HDLBP: variants seen among roughly 807,000 people sequenced by gnomAD.
HDLBP encodes high density lipoprotein binding protein.
In HDLBP, 30 loss-of-function variants were observed where a neutral mutation model predicts 137.3. The observed-to-expected ratio is 0.22, with a 90% CI of 0.16 to 0.30. The LOEUF is 0.30. Ranked by LOEUF, HDLBP falls within the 10% of genes least tolerant of loss-of-function variation. The pLI is 1.00. For synonymous variants in HDLBP, 606 were observed against 596.0 expected (o/e 1.02, Z -0.24); for missense variants, 1,119 against 1,667.3 (o/e 0.67, Z 5.73).
chr2:241,298,487 C>T (rs59104589), intron 1 of HDLBP, among the ~76,000 whole-genome samples: 46,344 of 152,024 alleles, frequency 0.3, 7,709 homozygotes, highest in East Asian at 0.52. Context: ...AAAAGGGTAA[C>T]AATCAACCGA....
At chr2:241,307,059 T>C (rs1354512668) in intron 1 of HDLBP, among the ~76,000 whole-genome samples, 1 of 139,800 alleles carries the variant, frequency 7.2e-6, no homozygotes, top group Non-Finnish European at 1.5e-5. Flanking sequence ...CCTTTCATTT[T>C]TGTTTCTTTT....
intron 2 of HDLBP, chr2:241,267,540 G>C: frequency 1.3e-6 from 2 of 1,522,538 alleles, no homozygotes; most frequent in South Asian, 2.4e-5. Flanking sequence ...TCTCCTAACA[G>C]CGACCTTGGT....
Position 241,248,785 on chromosome 2 carries a change from C to G in HDLBP, c.1513-437G>C, listed in dbSNP as rs142047876. On this transcript the variant is annotated intron_variant, in intron 12 of 27. Coordinates refer to ENST00000310931, the MANE Select transcript of HDLBP (RefSeq NM_005336.6). ...CCTTCTGAACAGAGGGTGGCTCGGA[C>G]CACTTTCCCCGCATGGCTAAGAACG... Among the ~76,000 whole-genome samples the G allele has an allele frequency of 1.2e-3, 176 of 152,110 alleles. 1 individual carries two copies. The highest frequency in any genetic ancestry group is 4.1e-3 in the African/African-American group (171 of 41,488).
At position 241,239,771 on chromosome 2, in the gene HDLBP, T is replaced by C. The variant is rs910628111; in HGVS notation, c.2441A>G (p.His814Arg). The C allele has an allele frequency of 3.7e-6, 6 of 1,614,110 alleles. No individual in the cohort carries two copies. The highest frequency in any genetic ancestry group is 1.1e-5 in the South Asian group (1 of 91,092). The part of the protein sequence containing the change: ...SMLVDPKHHR[H>R]FVIRRGQVLR... ...GACCTGGCCTCTGCGGATGACGAAG[T>C]GGCGGTGGTGCTTGGGGTCCACCAG... Residue 814 changes from histidine to arginine, a missense_variant, in exon 19 of 28, where the codon CAC becomes CGC. Coordinates refer to ENST00000310931, the MANE Select transcript of HDLBP (RefSeq NM_005336.6). The surrounding 1 kb of genome is among the most constrained non-coding windows in gnomAD (Gnocchi z 4.6).
chr2:241,298,344 C>G (rs967797910), intron 1 of HDLBP, among the ~76,000 whole-genome samples: 1 of 151,268 alleles, frequency 6.6e-6, no homozygotes, highest in Admixed American at 6.6e-5. Context: ...CCTGCCTGGG[C>G]GACAGAGTGA....
At chr2:241,275,727 G>A (rs1575004142) in intron 1 of HDLBP, among the ~76,000 whole-genome samples, 1 of 152,240 alleles carries the variant, frequency 6.6e-6, no homozygotes, top group East Asian at 1.9e-4. Context: ...AATACTATGA[G>A]ACCAAAGGCA....
At chr2:241,275,164 A>T (rs760931184) in intron 1 of HDLBP, among the ~76,000 whole-genome samples, 1 of 150,114 alleles carries the variant, frequency 6.7e-6, no homozygotes, top group Non-Finnish European at 1.5e-5. Flanking sequence ...ATATTAACAA[A>T]ACAGAAAGCA....
intron 1 of HDLBP, chr2:241,273,105 AG>A (rs1214514889): frequency 2.0e-6 from 2 of 985,432 alleles, no homozygotes; most frequent in African/African-American, 3.5e-5. Context: ...GAAAGGGAGC[AG>A]GAAGGACGGC....
rs74651980 is a variant in HDLBP, at chr2:241,297,295, G to T, written c.-103+18275C>A. On this transcript the variant is annotated intron_variant, in intron 1 of 27. Transcript: ENST00000310931. ...CAGGAAGGTCAACAAGAGGAGCCTC[G>T]TTCCATACAGGGTGAATAATCAAGG... 2.0e-5 allele frequency among the ~76,000 whole-genome samples: 3 copies of T among 152,218 alleles called. No homozygotes were observed. In the South Asian group the frequency reaches 6.2e-4, roughly 32 times the overall value.
intron 16 of HDLBP, among the ~76,000 whole-genome samples, chr2:241,242,952 C>G (rs2071387156): frequency 6.6e-6 from 1 of 152,136 alleles, no homozygotes; most frequent in Non-Finnish European, 1.5e-5. Context: ...TGAATCTATG[C>G]TGGATTGGGA....
chr2:241,277,137 C>G (rs554024038), intron 1 of HDLBP, among the ~76,000 whole-genome samples: 77 of 152,054 alleles, frequency 5.1e-4, no homozygotes, highest in Non-Finnish European at 9.4e-4. Context: ...AGGAAGAAAT[C>G]TGAAAACATT....
rs1187361662 is a variant in HDLBP at position 241,240,347 on chromosome 2, G to A, written c.2170-225C>T. The stretch of plus-strand genomic sequence containing the variant: ...TCTCTTCCACAACAACCAGATGCTG[G>A]TGGGATGAACACACAGGCTTAGAAC... On this transcript the variant is annotated intron_variant, in intron 17 of 27. Transcript: ENST00000310931. The surrounding 1 kb of genome is among the most constrained non-coding windows in gnomAD (Gnocchi z 5.5). Among the ~76,000 whole-genome samples, 2 of 152,208 alleles carry A rather than the reference G, an allele frequency of 1.3e-5. No individual in the cohort carries two copies. Among genetic ancestry groups the A allele is most frequent in the Non-Finnish European group, 2.9e-5 (2 of 68,044 alleles).
At chr2:241,293,999 A>G (rs1000099145) in intron 1 of HDLBP, among the ~76,000 whole-genome samples, 10 of 152,190 alleles carry the variant, frequency 6.6e-5, no homozygotes, top group African/African-American at 2.4e-4. Flanking sequence ...GAAAAAAGCA[A>G]TTGAAGAGCA....
At chr2:241,251,649 G>C (rs987997242) in intron 11 of HDLBP, among the ~76,000 whole-genome samples, 1 of 152,194 alleles carries the variant, frequency 6.6e-6, no homozygotes, top group Non-Finnish European at 1.5e-5. Context: ...GAGTGTGTGA[G>C]TATAGCCATA....
chr2:241,249,874 G>A lies in HDLBP; in HGVS notation c.1479C>T (p.Ala493=), dbSNP rs545978005. 7 of 1,613,078 alleles carry A rather than the reference G, an allele frequency of 4.3e-6. No individual in the cohort carries two copies. The African/African-American group carries it at 9.3e-5, about 22-fold the overall frequency. Residue 493 remains alanine (A), a synonymous_variant, in exon 12 of 28, where the codon GCC becomes GCT. Coordinates refer to ENST00000310931, the MANE Select transcript of HDLBP (RefSeq NM_005336.6). Reference sequence around the variant, plus strand: ...ATGCAAGCTCCAGCAGCTCTCGCTTGGCCTGCTGCACGCCCTGTGGGTCCC... The same window carrying A: ...ATGCAAGCTCCAGCAGCTCTCGCTTAGCCTGCTGCACGCCCTGTGGGTCCC... The part of the protein sequence containing the change: ...IEGDPQGVQQ[A]KRELLELASR...
intron 8 of HDLBP, 94 bp from the exon 9 acceptor site, chr2:241,255,252 C>G (rs2072523852): frequency 7.7e-6 from 11 of 1,423,158 alleles, no homozygotes; most frequent in Non-Finnish European, 9.9e-6. Flanking sequence ...GAGGCACGCT[C>G]TCCCCAAACC....
Position 241,230,609 on chromosome 2 carries a change from C to A in HDLBP, c.3474+150G>T, listed in dbSNP as rs1194645278. The A allele has an allele frequency of 2.3e-5, 16 of 697,056 alleles. No individual in the cohort carries two copies. Among genetic ancestry groups the A allele is most frequent in the Admixed American group, 1.3e-4 (5 of 39,294 alleles). 43.2% of individuals were successfully genotyped at this position (697,056 alleles called of 1,614,324 possible). On this transcript the variant is annotated intron_variant, in intron 25 of 27. Transcript: ENST00000310931. This position sits in a 1 kb window ranked among gnomAD's most constrained non-coding sequence, Gnocchi z 5.0. ...ACACAGGCCGTCGCCTGCACTGACCCGTGGTGTCCATGAGGACAGTTCCAC... is the reference window on the plus strand; with the variant it reads ...ACACAGGCCGTCGCCTGCACTGACCAGTGGTGTCCATGAGGACAGTTCCAC...
intron 1 of HDLBP, among the ~76,000 whole-genome samples, chr2:241,271,575 A>G (rs1342732281): frequency 6.6e-6 from 1 of 152,236 alleles, no homozygotes; most frequent in African/African-American, 2.4e-5. Flanking sequence ...AATTAAGTTG[A>G]TTCCCTTGTG....
chr2:241,266,436 C>T lies in HDLBP; in HGVS notation c.76+358G>A. The stretch of plus-strand genomic sequence containing the variant: ...CCGAAGCCAGGGTCCAGCCTTCATC[C>T]TCAAGGCAGGCTTAAGCAATGCTCT... On this transcript the variant is annotated intron_variant, in intron 3 of 27. Transcript: ENST00000310931. The T allele has an allele frequency of 7.8e-6, 2 of 256,634 alleles. 1 individual carries two copies. Among genetic ancestry groups the T allele is most frequent in the South Asian group, 1.0e-4 (2 of 19,090 alleles). 15.9% of individuals were successfully genotyped at this position (256,634 alleles called of 1,614,324 possible). A position where few individuals can be genotyped will look rare whatever the true frequency, so the allele number is the denominator to read the frequency against.
Sources: allele counts gnomAD v4.1 joint callset (sites outside exome capture counted in the v4.1 genomes callset), GRCh38; gene constraint gnomAD v4.1.1; non-coding constraint Gnocchi (gnomAD v3.1); transcripts MANE v1.5; gene names NCBI Gene and HGNC (gene_info 2026-07-23, HGNC 2026-07-21).